SSH2: variants seen among roughly 807,000 people sequenced by gnomAD.
SSH2 encodes protein phosphatase Slingshot homolog 2.
Under a neutral mutation model 135.2 loss-of-function variants are expected in SSH2, and 37 were observed. The observed-to-expected ratio is 0.27, with a 90% CI of 0.21 to 0.36. The LOEUF is 0.36. Ranked by LOEUF, SSH2 falls within the 10% of genes least tolerant of loss-of-function variation. SSH2 has a pLI of 1.00. For missense variants in SSH2, 1,408 were observed against 1,765.3 expected (o/e 0.80, Z 3.63); for synonymous variants, 628 against 646.2 (o/e 0.97, Z 0.43).
At chr17:29,818,956 G>A (rs1005336036) in intron 2 of SSH2, among the ~76,000 whole-genome samples, 5 of 152,086 alleles carry the variant, frequency 3.3e-5, no homozygotes, top group South Asian at 2.1e-4. Flanking sequence ...GCCAGGTGCA[G>A]TGGCTCACAC....
chr17:29,802,391 C>T (rs2042264746), intron 2 of SSH2, among the ~76,000 whole-genome samples: 1 of 151,904 alleles, frequency 6.6e-6, no homozygotes, highest in Non-Finnish European at 1.5e-5. Flanking sequence ...GTTATAGAAG[C>T]AACAGAGGAA....
At chr17:29,864,009 C>G (rs2065809786) in intron 1 of SSH2, 1 of 152,068 alleles carries the variant, frequency 6.6e-6, no homozygotes, top group Non-Finnish European at 1.5e-5. Context: ...GATTTCTTAT[C>G]TCATTCAATA....
At chr17:29,681,331 C>CAA (rs764461213) in intron 6 of SSH2, among the ~76,000 whole-genome samples, 1,624 of 14,334 alleles carry the variant, frequency 0.11, 452 homozygotes, top group Non-Finnish European at 0.16. Flanking sequence ...GAGACTGTCT[C>CAA]AAAAAAAAAA....
chr17:29,650,010 G>A (rs2036528311), intron 13 of SSH2, among the ~76,000 whole-genome samples: 1 of 152,206 alleles, frequency 6.6e-6, no homozygotes, highest in Admixed American at 6.5e-5. Flanking sequence ...GAAGGAAGAT[G>A]TGGCAAACAA....
chr17:29,686,820 C>T (rs930205098), intron 5 of SSH2, among the ~76,000 whole-genome samples: 1 of 152,106 alleles, frequency 6.6e-6, no homozygotes, highest in Non-Finnish European at 1.5e-5. Context: ...AGGCACATGC[C>T]ACCATGCCTG....
chr17:29,784,022 C>T (rs1223084150), intron 3 of SSH2, among the ~76,000 whole-genome samples: 1 of 114,908 alleles, frequency 8.7e-6, no homozygotes, highest in African/African-American at 3.4e-5. Context: ...GCCGAGATCC[C>T]GCCACTGCAC....
At chr17:29,644,666 G>C (rs534176791) in intron 14 of SSH2, 1 of 152,296 alleles carries the variant, frequency 6.6e-6, no homozygotes, top group East Asian at 1.9e-4. Context: ...AATTAGCTGG[G>C]CGTGGTGGCG....
At chr17:29,779,810 CAAAAAAAAA>C (rs56789691) in intron 3 of SSH2, among the ~76,000 whole-genome samples, 47 of 19,596 alleles carry the variant, frequency 2.4e-3, no homozygotes, top group South Asian at 0.01. Context: ...GACTCTGTCT[CAAAAAAAAA>C]AAAAAAAAAA....
chr17:29,778,868 A>G (rs1226328454), intron 3 of SSH2, among the ~76,000 whole-genome samples: 2 of 140,106 alleles, frequency 1.4e-5, no homozygotes, highest in African/African-American at 5.3e-5. Flanking sequence ...AAAAAAAAGT[A>G]AGTCATGTAG....
chr17:29,873,790 A>G (rs776059609), intron 1 of SSH2, among the ~76,000 whole-genome samples: 19 of 152,164 alleles, frequency 1.2e-4, no homozygotes, highest in Non-Finnish European at 2.8e-4. Context: ...TTCTGTTTTT[A>G]GAAGAGGTTA....
At chr17:29,712,434 T>C (rs1315287072) in intron 3 of SSH2, among the ~76,000 whole-genome samples, 3 of 152,226 alleles carry the variant, frequency 2.0e-5, no homozygotes, top group Non-Finnish European at 4.4e-5. Context: ...ATATGTCTGT[T>C]CTCTAAGTTT....
chr17:29,880,734 C>T (rs909988176), intron 1 of SSH2, among the ~76,000 whole-genome samples: 1 of 152,190 alleles, frequency 6.6e-6, no homozygotes. Context: ...TCCCTTCCAT[C>T]CCAATTCTCA....
intron 3 of SSH2, among the ~76,000 whole-genome samples, chr17:29,757,815 G>A (rs1334597603): frequency 6.6e-6 from 1 of 150,686 alleles, no homozygotes; most frequent in Non-Finnish European, 1.5e-5. Context: ...GGTTGGGGGC[G>A]CCAGAGGTTG....
intron 3 of SSH2, chr17:29,761,427 C>A: frequency 9.9e-7 from 1 of 1,010,306 alleles, no homozygotes; most frequent in African/African-American, 1.7e-5. Flanking sequence ...CGGTAGAGTC[C>A]GGACTGACGG....
In SSH2 at chr17:29,823,459, C is replaced by T. The variant is rs77684896; in HGVS notation, c.144+25390G>A. The stretch of plus-strand genomic sequence containing the variant: ...TCCTTACATTCCTCCAGCTCTAACA[C>T]CCCACATTGGGCCACCCTCTAATCC... On this transcript the variant is annotated intron_variant, in intron 2 of 15. Coordinates refer to ENST00000540801, the MANE Select transcript of SSH2 (RefSeq NM_001282129.2). Among the ~76,000 whole-genome samples the T allele has an allele frequency of 3.8e-3, 586 of 152,302 alleles. 5 individuals carry two copies. Among genetic ancestry groups the T allele is most frequent in the African/African-American group, 0.014 (570 of 41,554 alleles).
chr17:29,650,707 T>C lies in SSH2; in HGVS notation c.1173A>G (p.Ala391=), dbSNP rs1163319710. 3 of 1,613,912 alleles carry C rather than the reference T, an allele frequency of 1.9e-6. No homozygotes were observed. In the Admixed American group the frequency reaches 5.0e-5, roughly 27 times the overall value. The change falls in exon 13 of 16, where the codon GCA becomes GCG. Residue 391 remains alanine (A), a synonymous_variant. Transcript: ENST00000540801. ...CATTCCAGTACGCCAGGAGATCCGT[T>C]GCCTCTTCATCATATACCCGAATGT... ...YHNIRVYDEE[A]TDLLAYWNDT...
chr17:29,807,989 A>C (rs1198978351), intron 2 of SSH2, among the ~76,000 whole-genome samples: 2 of 152,180 alleles, frequency 1.3e-5, no homozygotes, highest in Non-Finnish European at 2.9e-5. Flanking sequence ...GTTGAACTGG[A>C]GAAAGCAGTG....
intron 1 of SSH2, among the ~76,000 whole-genome samples, chr17:29,876,155 G>C (rs7216948): frequency 0.52 from 75,457 of 145,612 alleles, 19,558 homozygotes; most frequent in East Asian, 0.7. Flanking sequence ...TATACAGAAC[G>C]ATAAAAGACC....
At chr17:29,696,207 ACAT>A (rs1490024188) in intron 4 of SSH2, among the ~76,000 whole-genome samples, 5 of 140,424 alleles carry the variant, frequency 3.6e-5, no homozygotes, top group Non-Finnish European at 6.2e-5. Context: ...ACACACACAC[ACAT>A]ATGTATATAC....
Sources: allele counts gnomAD v4.1 joint callset (sites outside exome capture counted in the v4.1 genomes callset), GRCh38; gene constraint gnomAD v4.1.1; transcripts MANE v1.5; gene names NCBI Gene and HGNC (gene_info 2026-07-23, HGNC 2026-07-21).